NALCN: variants seen among roughly 807,000 people sequenced by gnomAD.
NALCN encodes sodium leak channel NALCN.
In NALCN, 111 loss-of-function variants were observed where a neutral mutation model predicts 225.3. The observed-to-expected ratio is 0.49, with a 90% CI of 0.42 to 0.58. The LOEUF is 0.58. NALCN is among the 20% of genes least tolerant of loss of function. The probability of loss-of-function intolerance (pLI) is 0.00; values close to 1 mark genes in which losing one functional copy is unlikely to be tolerated. For synonymous variants in NALCN, 764 were observed against 769.0 expected (o/e 0.99, Z 0.11); for missense variants, 1,378 against 2,202.4 (o/e 0.63, Z 7.49).
intron 17 of NALCN, among the ~76,000 whole-genome samples, chr13:101,141,811 T>G (rs1332315661): frequency 6.6e-6 from 1 of 152,112 alleles, no homozygotes; most frequent in Non-Finnish European, 1.5e-5. Context: ...TATTGTCACA[T>G]GATCATAGAG....
intron 40 of NALCN, among the ~76,000 whole-genome samples, chr13:101,063,604 A>T (rs1240074037): frequency 6.6e-6 from 1 of 152,222 alleles, no homozygotes; most frequent in African/African-American, 2.4e-5. Context: ...TGTGATTCAC[A>T]TGCATTTCTC....
chr13:101,058,122 A>T, intron 42 of NALCN, 66 bp from the exon 43 acceptor site: 1 of 1,376,648 alleles, frequency 7.3e-7, no homozygotes, highest in Non-Finnish European at 1.0e-6. Flanking sequence ...TTTTACTATA[A>T]GAAAGGAAAA....
At chr13:101,396,124 C>T (rs1479868308) in intron 2 of NALCN, among the ~76,000 whole-genome samples, 1 of 152,086 alleles carries the variant, frequency 6.6e-6, no homozygotes, top group Non-Finnish European at 1.5e-5. Flanking sequence ...ACACTACAGG[C>T]ATGTCTGCTG....
chr13:101,173,939 G>A (rs2038853423), intron 15 of NALCN, among the ~76,000 whole-genome samples: 1 of 152,124 alleles, frequency 6.6e-6, no homozygotes. Context: ...GCATGAGAAT[G>A]TGTGTGTTTT....
At chr13:101,160,267 A>G (rs534191528) in intron 15 of NALCN, among the ~76,000 whole-genome samples, 14 of 152,174 alleles carry the variant, frequency 9.2e-5, no homozygotes, top group Non-Finnish European at 1.6e-4. Context: ...AGTGGAAGGA[A>G]AATGTTTGCA....
chr13:101,060,473 CAG>C (rs1336340995), intron 41 of NALCN, among the ~76,000 whole-genome samples: 1 of 45,584 alleles, frequency 2.2e-5, no homozygotes, highest in Non-Finnish European at 5.1e-5. Context: ...TTTTTTTTTT[CAG>C]AGAGGAGGTC....
intron 18 of NALCN, among the ~76,000 whole-genome samples, chr13:101,121,883 G>A (rs1223902913): frequency 1.3e-5 from 2 of 151,972 alleles, no homozygotes; most frequent in African/African-American, 4.8e-5. Flanking sequence ...GTGGTGGAGA[G>A]CTTTTTCTCC....
chr13:101,212,913 C>T (rs1355364251), intron 13 of NALCN, among the ~76,000 whole-genome samples: 1 of 152,128 alleles, frequency 6.6e-6, no homozygotes, highest in South Asian at 2.1e-4. Context: ...ATCAAGCTAC[C>T]AATGACTTTC....
chr13:101,110,034 A>G (rs1425564103), intron 20 of NALCN, among the ~76,000 whole-genome samples: 3 of 152,204 alleles, frequency 2.0e-5, no homozygotes, highest in Non-Finnish European at 2.9e-5. Context: ...GAGGGCACTG[A>G]GTCTATCTTA....
At chr13:101,119,734 G>C (rs2035881632) in intron 18 of NALCN, among the ~76,000 whole-genome samples, 1 of 152,162 alleles carries the variant, frequency 6.6e-6, no homozygotes, top group African/African-American at 2.4e-5. Context: ...TTTATTTAGT[G>C]GAGCTGAACG....
At chr13:101,274,111 C>A (rs980829735) in intron 10 of NALCN, among the ~76,000 whole-genome samples, 8 of 152,130 alleles carry the variant, frequency 5.3e-5, no homozygotes, top group African/African-American at 1.9e-4. Context: ...ATCCGGAGAG[C>A]CATCTGCCAT....
intron 1 of NALCN, 50 bp from the exon 2 acceptor site, chr13:101,399,215 C>T: frequency 1.4e-6 from 2 of 1,444,514 alleles, no homozygotes; most frequent in Non-Finnish European, 1.9e-6. Context: ...TTGCCCTCAT[C>T]AAAAAATTGA....
intron 27 of NALCN, 48 bp from the exon 28 acceptor site, chr13:101,095,728 A>G: frequency 6.9e-7 from 1 of 1,448,844 alleles, no homozygotes; most frequent in Non-Finnish European, 9.6e-7. Context: ...CAGAAAATGA[A>G]CTCAGAAAAG....
rs1216063237 is a variant in NALCN at position 101,166,530 on chromosome 13, CT to C, written c.1839+9769del. The stretch of plus-strand genomic sequence containing the variant: ...TTCATCTACTTGGCCATTTGTATAC[CT>C]TTTTTAGATAAATGTCAGCTTAAGT... On this transcript the variant is annotated intron_variant, in intron 15 of 43. Coordinates refer to ENST00000251127, the MANE Select transcript of NALCN (RefSeq NM_052867.4). Among the ~76,000 whole-genome samples, 13 of 151,920 alleles carry C rather than the reference CT, an allele frequency of 8.6e-5. 1 individual carries two copies. Among genetic ancestry groups the C allele is most frequent in the Non-Finnish European group, 4.4e-5 (3 of 67,986 alleles).
At chr13:101,335,886 T>C (rs1402366525) in intron 7 of NALCN, among the ~76,000 whole-genome samples, 2 of 152,158 alleles carry the variant, frequency 1.3e-5, no homozygotes, top group African/African-American at 4.8e-5. Flanking sequence ...TCACATATGG[T>C]AGCATGAAAT....
intron 10 of NALCN, among the ~76,000 whole-genome samples, chr13:101,280,282 C>T (rs1312975092): frequency 1.3e-5 from 2 of 152,140 alleles, no homozygotes; most frequent in South Asian, 2.1e-4. Flanking sequence ...CCTTTCCCCC[C>T]AGTTTCTAAG....
chr13:101,296,377 G>GA (rs2043756949), intron 7 of NALCN, among the ~76,000 whole-genome samples: 1 of 152,074 alleles, frequency 6.6e-6, no homozygotes. Context: ...AGATAATTTG[G>GA]AAACTATTTT....
At chr13:101,185,896 T>C (rs1050892097) in intron 14 of NALCN, among the ~76,000 whole-genome samples, 1 of 152,250 alleles carries the variant, frequency 6.6e-6, no homozygotes, top group Non-Finnish European at 1.5e-5. Flanking sequence ...CAGACTACTT[T>C]TTTTTTCCCT....
intron 10 of NALCN, among the ~76,000 whole-genome samples, chr13:101,276,710 A>G (rs957829622): frequency 6.6e-5 from 10 of 152,188 alleles, no homozygotes; most frequent in Non-Finnish European, 1.0e-4. Flanking sequence ...AAATGGCTCA[A>G]TAGAGCCTAT....
Sources: gnomAD v4.1 joint callset for allele counts (sites outside exome capture counted in the v4.1 genomes callset) on GRCh38, gnomAD v4.1.1 for gene constraint, MANE v1.5 for transcripts, NCBI Gene and HGNC (gene_info 2026-07-23, HGNC 2026-07-21) for gene names.